The following THPO variants were observed in gnomAD, a reference collection of about 807,000 sequenced individuals.
THPO encodes the protein MPL ligand.
A neutral mutation model predicts 17.0 loss-of-function variants in THPO; 12 were observed. The observed-to-expected ratio is 0.71, with a 90% CI of 0.45 to 1.14. The LOEUF is 1.14. Ranked by LOEUF, THPO falls within the 50% of genes most tolerant of loss-of-function variation. The pLI is 0.00. For missense variants in THPO, 365 were observed against 427.5 expected, an observed-to-expected ratio of 0.85 and a Z score of 1.29; for synonymous variants, 188 against 183.0, an observed-to-expected ratio of 1.03 and a Z score of -0.22.
At position 184,372,932 on chromosome 3, in the gene THPO, C is replaced by T; in HGVS notation, c.643G>A (p.Gly215Ser). Residue 215 changes from glycine to serine, a missense_variant, in exon 6 of 6, where the codon GGC becomes AGC. Transcript: ENST00000647395. ...TGCTGCCACTTCAGAAGCCCAGAGC[C>T]AGTAGTTCTGGCTGAGGCAGTGAAG... ...TNFTASARTT[G>S]SGLLKWQQGF... The T allele has an allele frequency of 6.2e-7, 1 of 1,614,142 alleles. No individual in the cohort carries two copies. Among genetic ancestry groups the T allele is most frequent in the Non-Finnish European group, 8.5e-7 (1 of 1,180,026 alleles).
In THPO at chr3:184,373,058, C is replaced by A. The variant is rs780992873; in HGVS notation, c.517G>T (p.Val173Phe). Residue 173 changes from valine (V) to phenylalanine (F), a missense_variant, in exon 6 of 6, where the codon GTC becomes TTC. Coordinates refer to ENST00000647395, the MANE Select transcript of THPO (RefSeq NM_000460.4). ...LMLVGGSTLC[V>F]RRAPPTTAVP... ...GCTGTGGTGGGTGGGGCCCGCCTGA[C>A]GCAGAGGGTGGACCCTCCTACAAGC... 2.5e-6 allele frequency: 4 copies of A among 1,613,888 alleles called. No homozygotes were observed. Among genetic ancestry groups the A allele is most frequent in the Non-Finnish European group, 3.4e-6 (4 of 1,180,018 alleles).
Position 184,376,346 on chromosome 3 carries a change from C to G in THPO, c.-87G>C, listed in dbSNP as rs745602856. Reference sequence around the variant, plus strand: ...TGGGGCCATGGAGGCGGCTTAGGCTCTTGCACTTCTGGGCAGAGTAGGGTG... The same window carrying G: ...TGGGGCCATGGAGGCGGCTTAGGCTGTTGCACTTCTGGGCAGAGTAGGGTG... On this transcript the variant is annotated 5_prime_UTR_variant, in exon 2 of 6. Coordinates refer to ENST00000647395, the MANE Select transcript of THPO (RefSeq NM_000460.4). The G allele has an allele frequency of 1.9e-5, 31 of 1,613,748 alleles. No homozygotes were observed. Among genetic ancestry groups the G allele is most frequent in the East Asian group, 4.5e-5 (2 of 44,882 alleles).
At chr3:184,377,673 C>A (rs1267358517) in intron 1 of THPO, among the ~76,000 whole-genome samples, 1 of 152,156 alleles carries the variant, frequency 6.6e-6, no homozygotes, top group Non-Finnish European at 1.5e-5. Flanking sequence ...CCCTGGCTTG[C>A]CTGGCCCAGC....
Position 184,373,524 on chromosome 3 carries a change from A to G in THPO, c.287T>C (p.Met96Thr), listed in dbSNP as rs1483209279. 9 of 1,613,994 alleles carry G rather than the reference A, an allele frequency of 5.6e-6. No individual in the cohort carries two copies. Among genetic ancestry groups the G allele is most frequent in the Non-Finnish European group, 7.6e-6 (9 of 1,180,022 alleles). Residue 96 changes from methionine (M) to threonine (T), a missense_variant, in exon 5 of 6, where the codon ATG becomes ACG. Coordinates refer to ENST00000647395, the MANE Select transcript of THPO (RefSeq NM_000460.4). ...GGGTCCCAGTTGTCCCCGTGCTGCCATCACTCCCTCCAGCAGAAGGGTCAC... is the reference window on the plus strand; with the variant it reads ...GGGTCCCAGTTGTCCCCGTGCTGCCGTCACTCCCTCCAGCAGAAGGGTCAC... ...GAVTLLLEGV[M>T]AARGQLGPTC...
chr3:184,372,632 T>G lies in THPO; in HGVS notation c.943A>C (p.Thr315Pro), dbSNP rs200414155. ...AGGGGGTGGAGCTGGACCACAGGGG[T>G]GGGCAAGGTGGGTGGAAGAGGGAAG... ...TLFPLPPTLP[T>P]PVVQLHPLLP... Residue 315 changes from threonine (T) to proline (P), a missense_variant, in exon 6 of 6, where the codon ACC (threonine) becomes CCC (proline). Thr to Pro is a conservative substitution (Grantham distance 38). Transcript: ENST00000647395. 3.7e-6 allele frequency: 6 copies of G among 1,611,498 alleles called. No individual in the cohort carries two copies. The East Asian group carries it at 1.3e-4, about 36-fold the overall frequency.
At position 184,374,929 on chromosome 3, in the gene THPO, C is replaced by T. The variant is rs111591005; in HGVS notation, c.228+586G>A. ...TCAGCCTTCCAAGTAGCTGGGATTA[C>T]AGGCATGCACTACCATGCCCGGCTA... On this transcript the variant is annotated intron_variant, in intron 4 of 5. Transcript: ENST00000647395. Among the ~76,000 whole-genome samples the T allele has an allele frequency of 3.9e-3, 594 of 152,294 alleles. 8 individuals are homozygous for T. Among genetic ancestry groups the T allele is most frequent in the South Asian group, 4.8e-3 (23 of 4,826 alleles).
At chr3:184,378,887 T>A (rs1714708080), upstream of THPO, 1 of 984,912 alleles carries the variant, frequency 1.0e-6, no homozygotes, top group Admixed American at 6.1e-5. Context: ...ACAAGAGGAA[T>A]AACCAGGCCC....
rs199727920 is a variant in THPO, at chr3:184,375,906, A to G, written c.123T>C (p.His41=). The change falls in exon 3 of 6, where the codon CAT becomes CAC. Residue 41 remains histidine, a synonymous_variant. Coordinates refer to ENST00000647395, the MANE Select transcript of THPO (RefSeq NM_000460.4). ...RVLSKLLRDS[H]VLHSRLSQCP... ...TTCTCACCAGTCTGCTGTGAAGGAC[A>G]TGGGAGTCACGAAGCAGTTTACTGA... 3.7e-6 allele frequency: 6 copies of G among 1,613,428 alleles called. No homozygotes were observed. The highest frequency in any genetic ancestry group is 5.1e-6 in the Non-Finnish European group (6 of 1,179,840).
At chr3:184,375,674 A>C in intron 3 of THPO, 73 bp from the exon 4 acceptor site, 1 of 1,534,202 alleles carries the variant, frequency 6.5e-7, no homozygotes, top group Non-Finnish European at 9.0e-7. Context: ...TAAGCAGGCT[A>C]GTCCTCCATG....
intron 1 of THPO, 109 bp downstream of exon 1, chr3:184,377,966 G>T: frequency 1.2e-6 from 1 of 813,508 alleles, no homozygotes; most frequent in Non-Finnish European, 1.5e-6. Context: ...CTCGACAAAG[G>T]TCAGTGCCTG....
Position 184,372,305 on chromosome 3 carries a change from G to A in THPO, c.*208C>T. ...ACCAAAGAGCTAGCTGCTCTGATGA[G>A]TATTGCTGATAGCTTAAAAAAATAG... On this transcript the variant is annotated 3_prime_UTR_variant, in exon 6 of 6. Coordinates refer to ENST00000647395, the MANE Select transcript of THPO (RefSeq NM_000460.4). The A allele has an allele frequency of 1.6e-6, 1 of 618,958 alleles. No homozygotes were observed. 38.3% of individuals were successfully genotyped at this position (618,958 alleles called of 1,614,324 possible).
intron 1 of THPO, 31 bp downstream of exon 1, chr3:184,378,044 C>T (rs897358026): frequency 3.0e-6 from 3 of 985,550 alleles, no homozygotes; most frequent in African/African-American, 1.7e-5. Flanking sequence ...TTTCTACCCT[C>T]ACATAACCCC....
Position 184,373,674 on chromosome 3 carries a change from A to G in THPO, c.229-92T>C. On this transcript the variant is annotated intron_variant, in intron 4 of 5. Transcript: ENST00000647395. ...TTAGGAGTAGCCAGCAGAGTGAATC[A>G]TACAGGCTGAGAACTGGACAGGACC... is the stretch of plus-strand genomic sequence containing the variant. 7.0e-6 allele frequency: 10 copies of G among 1,419,604 alleles called. No homozygotes were observed. The South Asian group carries it at 1.2e-4, about 17-fold the overall frequency. The allele number at this position is 1,419,604 out of a possible 1,614,324, so 87.9% of individuals were successfully genotyped here.
chr3:184,378,513 C>A (rs1714647230), upstream of THPO: 1 of 570,498 alleles, frequency 1.8e-6, no homozygotes, highest in East Asian at 1.4e-4. Flanking sequence ...TTTCTTTTCC[C>A]TGGACATCAT....
At chr3:184,377,363 G>T (rs889652740) in intron 1 of THPO, among the ~76,000 whole-genome samples, 7 of 152,192 alleles carry the variant, frequency 4.6e-5, no homozygotes, top group African/African-American at 1.4e-4. Context: ...CAAGAGATGG[G>T]CTAACAGTTC....
Position 184,376,370 on chromosome 3 carries a change from T to C in THPO, c.-111A>G. On this transcript the variant is annotated 5_prime_UTR_variant, in exon 2 of 6. Transcript: ENST00000647395. ...TCTTGCACTTCTGGGCAGAGTAGGG[T>C]GGGGCAAAGGCGGGCCAAGGGTGAA... The C allele has an allele frequency of 6.2e-7, 1 of 1,611,604 alleles. No homozygotes were observed. The highest frequency in any genetic ancestry group is 1.7e-5 in the Admixed American group (1 of 59,840).
In THPO at chr3:184,373,042, G is replaced by A. The variant is rs753323780; in HGVS notation, c.533C>T (p.Pro178Leu). ...GGTTCTGCTGGGGACAGCTGTGGTG[G>A]GTGGGGCCCGCCTGACGCAGAGGGT... ...GSTLCVRRAP[P>L]TTAVPSRTSL... Residue 178 changes from proline to leucine, a missense_variant, in exon 6 of 6, where the codon CCC becomes CTC. Coordinates refer to ENST00000647395, the MANE Select transcript of THPO (RefSeq NM_000460.4). 6.2e-7 allele frequency: 1 copy of A among 1,614,062 alleles called. No homozygotes were observed. The highest frequency in any genetic ancestry group is 1.7e-5 in the Admixed American group (1 of 60,022).
chr3:184,373,460 C>T lies in THPO; in HGVS notation c.351G>A (p.Gln117=), dbSNP rs747244715. Residue 117 remains glutamine, a synonymous_variant, in exon 5 of 6, where the codon CAG becomes CAA. Transcript: ENST00000647395. ...LSSLLGQLSG[Q]VRLLLGALQS... ...GCAGGGCCCCAAGGAGGAGACGGACCTGTCCAGAAAGCTGCCCCAGGAGGG... is the reference window on the plus strand; with the variant it reads ...GCAGGGCCCCAAGGAGGAGACGGACTTGTCCAGAAAGCTGCCCCAGGAGGG... The T allele has an allele frequency of 1.9e-6, 3 of 1,614,028 alleles. No individual in the cohort carries two copies. The highest frequency in any genetic ancestry group is 2.2e-5 in the South Asian group (2 of 91,092).
intron 1 of THPO, among the ~76,000 whole-genome samples, chr3:184,376,611 A>G (rs1204308359): frequency 6.6e-6 from 1 of 152,084 alleles, no homozygotes; most frequent in Non-Finnish European, 1.5e-5. Flanking sequence ...TTGGGAGTCC[A>G]AGGCGGGTGG....
Sources: gnomAD v4.1 joint callset for allele counts (sites outside exome capture counted in the v4.1 genomes callset) on GRCh38, gnomAD v4.1.1 for gene constraint, MANE v1.5 for transcripts, NCBI Gene and HGNC (gene_info 2026-07-23, HGNC 2026-07-21) for gene names.